Variants in FANCI observed in about 807,000 individuals in gnomAD.
The protein encoded by FANCI is Fanconi anemia group I protein.
In FANCI, 156 loss-of-function variants were observed where a neutral mutation model predicts 176.1. That is an observed-to-expected ratio of 0.89 (90% CI 0.78 to 1.01). FANCI has a LOEUF of 1.01. Among genes scored for constraint, FANCI ranks in the 50% least tolerant of loss-of-function variants. FANCI has a pLI of 0.00. For missense variants in FANCI, 1,678 were observed against 1,534.1 expected, an observed-to-expected ratio of 1.09 and a Z score of -1.57; for synonymous variants, 613 against 541.7, an observed-to-expected ratio of 1.13 and a Z score of -1.83.
intron 2 of FANCI, among the ~76,000 whole-genome samples, chr15:89,250,546 G>A (rs1003340753): frequency 3.7e-5 from 5 of 136,256 alleles, no homozygotes; most frequent in African/African-American, 1.3e-4. Context: ...GGCCTGTTGT[G>A]GAGTGAGGGG....
At chr15:89,286,977 CTTTTTTTTTTTTT>C (rs543431700) in intron 18 of FANCI, among the ~76,000 whole-genome samples, 2 of 86,054 alleles carry the variant, frequency 2.3e-5, no homozygotes, top group African/African-American at 9.5e-5. Context: ...TCACCTTGCA[CTTTTTTTTTTTTT>C]TTTTTTTTGA....
At chr15:89,305,274 G>T (rs180906370) in intron 29 of FANCI, 32 bp downstream of exon 29, 61 of 1,614,210 alleles carry the variant, frequency 3.8e-5, no homozygotes, top group Admixed American at 1.5e-4. Flanking sequence ...ACAATACCCT[G>T]TGTGGGGATG....
At chr15:89,247,300 C>T (rs993431734) in intron 1 of FANCI, among the ~76,000 whole-genome samples, 6 of 152,136 alleles carry the variant, frequency 3.9e-5, no homozygotes, top group Non-Finnish European at 7.4e-5. Flanking sequence ...ACTTGATATG[C>T]TGTTAAATGG....
intron 9 of FANCI, among the ~76,000 whole-genome samples, chr15:89,267,251 C>T (rs374969259): frequency 5.3e-4 from 78 of 148,050 alleles, no homozygotes; most frequent in African/African-American, 1.8e-3. Flanking sequence ...GCTCAGGAGG[C>T]GGAGGTTGCA....
Position 89,281,756 on chromosome 15 carries a change from C to A in FANCI, c.1513-9C>A, listed in dbSNP as rs973566807. On this transcript the variant is annotated splice_polypyrimidine_tract_variant and intron_variant, in intron 15 of 37. Coordinates refer to ENST00000310775, the MANE Select transcript of FANCI (RefSeq NM_001113378.2). ...CTTGTTCTGTTTTTACCCACTGATT[C>A]TTTTTCAGCCCCTTCTCAAAGTCAG... is the stretch of plus-strand genomic sequence containing the variant. 3.7e-6 allele frequency: 6 copies of A among 1,613,536 alleles called. No homozygotes were observed. Among genetic ancestry groups the A allele is most frequent in the African/African-American group, 1.3e-5 (1 of 74,924 alleles).
At chr15:89,248,057 A>G (rs1210052675) in intron 2 of FANCI, among the ~76,000 whole-genome samples, 2 of 152,232 alleles carry the variant, frequency 1.3e-5, no homozygotes, top group African/African-American at 4.8e-5. Flanking sequence ...TATCCAGACT[A>G]TAGTTACTGA....
intron 26 of FANCI, among the ~76,000 whole-genome samples, chr15:89,300,741 G>T (rs2151850559): frequency 6.6e-6 from 1 of 152,310 alleles, no homozygotes; most frequent in East Asian, 1.9e-4. Context: ...GGACAATAAA[G>T]TTTGTTAGTT....
At position 89,268,439 on chromosome 15, in the gene FANCI, C is replaced by T. The variant is rs1371328978; in HGVS notation, c.796C>T (p.His266Tyr). ...VVTVPSGELR[H>Y]VEGTIILHIV... ...CACTGTGCCATCAGGTGAACTTCGT[C>T]ATGTGGAAGGCACCATTATTCTACA... The change falls in exon 10 of 38, where the codon CAT becomes TAT. Residue 266 changes from histidine (H) to tyrosine (Y), a missense_variant. Coordinates refer to ENST00000310775, the MANE Select transcript of FANCI (RefSeq NM_001113378.2). The T allele has an allele frequency of 1.2e-6, 2 of 1,614,002 alleles. No homozygotes were observed. Among genetic ancestry groups the T allele is most frequent in the Non-Finnish European group, 1.7e-6 (2 of 1,180,016 alleles).
intron 2 of FANCI, among the ~76,000 whole-genome samples, chr15:89,248,554 C>T (rs890429511): frequency 6.6e-6 from 1 of 151,468 alleles, no homozygotes; most frequent in African/African-American, 2.4e-5. Flanking sequence ...TCCAAGATTG[C>T]CTTTATAGCT....
At chr15:89,268,793 C>G (rs1472426065) in intron 10 of FANCI, among the ~76,000 whole-genome samples, 1 of 151,538 alleles carries the variant, frequency 6.6e-6, no homozygotes, top group East Asian at 1.9e-4. Flanking sequence ...AGTTCTAACG[C>G]AAAAAAGTGG....
intron 13 of FANCI, 85 bp from the exon 14 acceptor site, chr15:89,278,602 G>C (rs748938436): frequency 1.7e-4 from 162 of 967,630 alleles, no homozygotes; most frequent in Non-Finnish European, 2.4e-4. Context: ...TATCCAAACG[G>C]TTCTTCATGC....
At chr15:89,250,876 A>G (rs1196666444) in intron 2 of FANCI, among the ~76,000 whole-genome samples, 12 of 151,644 alleles carry the variant, frequency 7.9e-5, no homozygotes, top group African/African-American at 2.4e-4. Flanking sequence ...TGAAATCAAT[A>G]CAAATGAAAT....
intron 16 of FANCI, chr15:89,282,842 C>T (rs2053667107): frequency 2.6e-6 from 1 of 388,610 alleles, no homozygotes; most frequent in African/African-American, 2.0e-5. Flanking sequence ...AGTAACCAGC[C>T]AATTTTACAG....
At chr15:89,285,920 G>T (rs1361156625) in intron 18 of FANCI, among the ~76,000 whole-genome samples, 1 of 151,672 alleles carries the variant, frequency 6.6e-6, no homozygotes, top group Non-Finnish European at 1.5e-5. Flanking sequence ...TTTTACAATT[G>T]TGTTACCTCT....
chr15:89,294,841 G>A (rs765043101), intron 23 of FANCI, 74 bp from the exon 24 acceptor site: 57 of 1,469,472 alleles, frequency 3.9e-5, no homozygotes, highest in Non-Finnish European at 5.1e-5. Flanking sequence ...ACAATTTCTA[G>A]AAAGCTTAAT....
rs1258353948 is a variant in FANCI at position 89,292,725 on chromosome 15, G to T, written c.2030G>T (p.Trp677Leu). The change falls in exon 21 of 38, where the codon TGG becomes TTG. Residue 677 changes from tryptophan to leucine, a missense_variant. Coordinates refer to ENST00000310775, the MANE Select transcript of FANCI (RefSeq NM_001113378.2). ...TGTTGTATTCAGCATTGTTTGGCCT[G>T]GTATAAGAATACAGTCATACCCTTA... ...LLCCIQHCLA[W>L]YKNTVIPLQQ... 1 of 1,613,738 alleles carries T rather than the reference G, an allele frequency of 6.2e-7. No homozygotes were observed. Among genetic ancestry groups the T allele is most frequent in the Middle Eastern group, 1.6e-4 (1 of 6,062 alleles).
At chr15:89,287,479 A>G (rs2053864554) in intron 18 of FANCI, among the ~76,000 whole-genome samples, 1 of 151,776 alleles carries the variant, frequency 6.6e-6, no homozygotes, top group Non-Finnish European at 1.5e-5. Flanking sequence ...AACTTTCTTC[A>G]CATCAGCAAT....
intron 24 of FANCI, among the ~76,000 whole-genome samples, chr15:89,298,135 A>C (rs1216499999): frequency 6.6e-6 from 1 of 152,320 alleles, no homozygotes; most frequent in South Asian, 2.1e-4. Flanking sequence ...AGGTAGAAGA[A>C]GTGAACAACA....
intron 25 of FANCI, 133 bp downstream of exon 25, chr15:89,300,099 A>C: frequency 9.0e-7 from 1 of 1,109,370 alleles, no homozygotes; most frequent in Admixed American, 1.8e-5. Context: ...CATCTAGTGG[A>C]TTCAGGATTG....
Sources: allele counts gnomAD v4.1 joint callset (sites outside exome capture counted in the v4.1 genomes callset), GRCh38; gene constraint gnomAD v4.1.1; transcripts MANE v1.5; gene names NCBI Gene and HGNC (gene_info 2026-07-23, HGNC 2026-07-21).